The following PLXNA1 variants were observed in gnomAD, a reference collection of about 807,000 sequenced individuals.
PLXNA1 encodes plexin A1.
PLXNA1 carries 77 observed loss-of-function variants against 191.7 expected under a neutral mutation model. The observed-to-expected ratio is 0.40, with a 90% CI of 0.33 to 0.49. The LOEUF is 0.49. Ranked by LOEUF, PLXNA1 falls within the 20% of genes least tolerant of loss-of-function variation. The probability of loss-of-function intolerance (pLI) is 0.63; values close to 1 mark genes in which losing one functional copy is unlikely to be tolerated. For synonymous variants in PLXNA1, 1,137 were observed against 1,156.4 expected (o/e 0.98, Z 0.34); for missense variants, 2,110 against 2,660.2 (o/e 0.79, Z 4.55).
chr3:127,031,765 GTC>G (rs2079212713), intron 29 of PLXNA1: 1 of 153,174 alleles, frequency 6.5e-6, no homozygotes, highest in African/African-American at 2.4e-5. Context: ...GGGACGCAGT[GTC>G]TCCAGGTCAG....
intron 3 of PLXNA1, among the ~76,000 whole-genome samples, chr3:127,003,054 C>G (rs2079048324): frequency 6.6e-6 from 1 of 152,166 alleles, no homozygotes; most frequent in Admixed American, 6.5e-5. Context: ...TGGTTGTCTC[C>G]AGGCCCCAAT....
chr3:127,032,892 G>GA, intron 31 of PLXNA1, 56 bp downstream of exon 31: 1 of 1,568,650 alleles, frequency 6.4e-7, no homozygotes, highest in Non-Finnish European at 8.7e-7. Context: ...GCCCCTGCCA[G>GA]AGTCACCTGC....
Position 127,014,547 on chromosome 3 carries a change from C to G in PLXNA1, c.2674C>G (p.Arg892Gly), listed in dbSNP as rs766352439. The G allele has an allele frequency of 6.2e-7, 1 of 1,611,596 alleles. No homozygotes were observed. The highest frequency in any genetic ancestry group is 8.5e-7 in the Non-Finnish European group (1 of 1,179,864). ...TATCACAGGCGAGAACCTGGGCCTG[C>G]GATTCGAAGACGTGCGTCTGGGCGT... ...LTITGENLGL[R>G]FEDVRLGVRV... The change falls in exon 13 of 32, where the codon CGA (arginine) becomes GGA (glycine). Residue 892 changes from arginine (R) to glycine (G), a missense_variant. Transcript: ENST00000393409.
rs933814222 is a variant in PLXNA1 at position 127,035,853 on chromosome 3, G to A, written c.*1836G>A. On this transcript the variant is annotated 3_prime_UTR_variant, in exon 32 of 32. Coordinates refer to ENST00000393409, the MANE Select transcript of PLXNA1 (RefSeq NM_032242.4). Reference sequence around the variant, plus strand: ...ACAGAGACCCGCCTCTTCCCTGAACGCGGGTCGGTGTGGAGTCAGTGACTG... The same window carrying A: ...ACAGAGACCCGCCTCTTCCCTGAACACGGGTCGGTGTGGAGTCAGTGACTG... 18 of 152,378 alleles carry A rather than the reference G, an allele frequency of 1.2e-4. No individual in the cohort carries two copies. Among genetic ancestry groups the A allele is most frequent in the African/African-American group, 4.1e-4 (17 of 41,556 alleles). 9.4% of individuals were successfully genotyped at this position (152,378 alleles called of 1,614,324 possible). A position where few individuals can be genotyped will look rare whatever the true frequency, so the allele number is the denominator to read the frequency against.
At chr3:126,993,990 C>A in intron 3 of PLXNA1, among the ~76,000 whole-genome samples, 1 of 152,166 alleles carries the variant, frequency 6.6e-6, no homozygotes, top group Non-Finnish European at 1.5e-5. Context: ...GCAAGCCGTC[C>A]AGCCTCTCTG....
chr3:127,022,975 G>A (rs892696164), intron 23 of PLXNA1, among the ~76,000 whole-genome samples, 157 bp downstream of exon 23: 10 of 152,198 alleles, frequency 6.6e-5, no homozygotes, highest in South Asian at 2.1e-4. Context: ...GCATGCAGCC[G>A]CTCTCAGCTC....
intron 10 of PLXNA1, among the ~76,000 whole-genome samples, chr3:127,012,872 C>T (rs2079102627): frequency 6.6e-6 from 1 of 152,232 alleles, no homozygotes; most frequent in Non-Finnish European, 1.5e-5. Context: ...GTCTCCCCTT[C>T]TGCTCAGGAC....
intron 10 of PLXNA1, among the ~76,000 whole-genome samples, chr3:127,013,207 T>C (rs2079103936): frequency 6.6e-6 from 1 of 152,240 alleles, no homozygotes; most frequent in South Asian, 2.1e-4. Context: ...ATTTCTGTTC[T>C]ATCACCAACT....
chr3:127,033,535 A>G (rs536046130), intron 31 of PLXNA1, among the ~76,000 whole-genome samples: 1 of 152,228 alleles, frequency 6.6e-6, no homozygotes, highest in South Asian at 2.1e-4. Flanking sequence ...CAGAGACTGC[A>G]TGTATTAGGG....
chr3:127,013,996 C>A (rs2079108296), intron 10 of PLXNA1, 24 bp from the exon 11 acceptor site: 2 of 1,605,694 alleles, frequency 1.2e-6, no homozygotes, highest in Middle Eastern at 1.7e-4. Flanking sequence ...AGCTGGGAAG[C>A]CTGACGGTGC....
At chr3:126,992,871 C>T (rs962039546) in intron 3 of PLXNA1, among the ~76,000 whole-genome samples, 1 of 152,204 alleles carries the variant, frequency 6.6e-6, no homozygotes, top group Non-Finnish European at 1.5e-5. Context: ...TCTCAGCCTG[C>T]ACTCCCTCTC....
intron 22 of PLXNA1, 117 bp from the exon 23 acceptor site, chr3:127,022,635 C>T (rs4679325): frequency 0.1 from 82,305 of 789,250 alleles, 3,990 homozygotes; most frequent in Admixed American, 0.15. Flanking sequence ...ACCTGACCTT[C>T]GGTGCTGTAG....
rs2079116680 is a variant in PLXNA1, at chr3:127,015,171, C to T, written c.2878-13C>T. On this transcript the variant is annotated splice_polypyrimidine_tract_variant and intron_variant, in intron 14 of 31. Transcript: ENST00000393409. ...CTTTCCTGAGAGTTTCAGCAAGTTC[C>T]CTCTTCCTGCAGACACCAACCTTCT... The T allele has an allele frequency of 2.5e-6, 4 of 1,602,674 alleles. 1 individual carries two copies. Among genetic ancestry groups the T allele is most frequent in the South Asian group, 2.2e-5 (2 of 89,898 alleles).
rs763967797 is a variant in PLXNA1, at chr3:126,991,556, G to A, written c.1367G>A (p.Arg456His). ...TVVFAGTRSG[R>H]IRKILVDLSN... ...GTATTCGCCGGCACGCGAAGTGGCC[G>A]CATCCGCAAGGTCAGGCCTGGGTGG... Residue 456 changes from arginine to histidine, a missense_variant, in exon 3 of 32, where the codon CGC (arginine) becomes CAC (histidine). By Grantham distance (29) the Arg-to-His change is conservative (BLOSUM62 0). Coordinates refer to ENST00000393409, the MANE Select transcript of PLXNA1 (RefSeq NM_032242.4). 10 of 1,574,692 alleles carry A rather than the reference G, an allele frequency of 6.4e-6. No homozygotes were observed. The highest frequency in any genetic ancestry group is 8.7e-6 in the Non-Finnish European group (10 of 1,155,884).
chr3:127,006,049 C>G, intron 7 of PLXNA1, 30 bp from the exon 8 acceptor site: 2 of 1,571,468 alleles, frequency 1.3e-6, no homozygotes, highest in Non-Finnish European at 1.8e-6. Flanking sequence ...GGCAAGCAGT[C>G]CTGGTGACTC....
intron 19 of PLXNA1, 69 bp from the exon 20 acceptor site, chr3:127,018,225 C>T: frequency 7.3e-7 from 1 of 1,376,082 alleles, no homozygotes; most frequent in Non-Finnish European, 1.0e-6. Flanking sequence ...GGGTCTTGCC[C>T]ATCGGGAGGG....
intron 8 of PLXNA1, 60 bp from the exon 9 acceptor site, chr3:127,007,739 C>A (rs2107628590): frequency 2.8e-6 from 3 of 1,055,306 alleles, no homozygotes; most frequent in East Asian, 4.8e-5. Context: ...TCCTTCTGAT[C>A]ATGGGTGACT....
In PLXNA1 at chr3:127,016,661, C is replaced by G; in HGVS notation, c.3159C>G (p.Ile1053Met). ...NYTEDPTILR[I>M]DPEWSINSGG... Reference sequence around the variant, plus strand: ...CCGAGGACCCCACCATCCTGAGGATCGACCCCGAGTGGAGCATCAACAGGT... The same window carrying G: ...CCGAGGACCCCACCATCCTGAGGATGGACCCCGAGTGGAGCATCAACAGGT... Residue 1053 changes from isoleucine (I) to methionine (M), a missense_variant, in exon 16 of 32, where the codon ATC becomes ATG. Physicochemically the swap from Ile to Met is conservative, Grantham distance 10. Coordinates refer to ENST00000393409, the MANE Select transcript of PLXNA1 (RefSeq NM_032242.4). 6.2e-7 allele frequency: 1 copy of G among 1,614,026 alleles called. No homozygotes were observed. The highest frequency in any genetic ancestry group is 8.5e-7 in the Non-Finnish European group (1 of 1,179,964).
rs764260543 is a variant in PLXNA1, at chr3:126,988,735, G to A, written c.142G>A (p.Asp48Asn). The A allele has an allele frequency of 2.0e-5, 32 of 1,585,204 alleles. No homozygotes were observed. In the East Asian group the frequency reaches 5.2e-4, roughly 26 times the overall value. The change falls in exon 2 of 32, where the codon GAC (aspartate) becomes AAC (asparagine). Residue 48 changes from aspartate (D) to asparagine (N), a missense_variant. Physicochemically the swap from Asp to Asn is conservative, Grantham distance 23. This residue lies in a region of PLXNA1 where 903 missense variants were observed against 1,015.7 expected (regional missense o/e 0.89). Transcript: ENST00000393409. ...CCCCTTCCGCACCTTCTCGGCCAGCGACTGGGGCCTCACCCACCTAGTGGT... is the reference window on the plus strand; with the variant it reads ...CCCCTTCCGCACCTTCTCGGCCAGCAACTGGGGCCTCACCCACCTAGTGGT... ...QPPFRTFSASDWGLTHLVVHE... is the reference protein window; with the variant it reads ...QPPFRTFSASNWGLTHLVVHE...
Sources: allele counts gnomAD v4.1 joint callset (sites outside exome capture counted in the v4.1 genomes callset), GRCh38; gene constraint gnomAD v4.1.1; regional missense constraint gnomAD v4.1.1; transcripts MANE v1.5; gene names NCBI Gene and HGNC (gene_info 2026-07-23, HGNC 2026-07-21).